Variants in CDK12 observed in about 807,000 individuals in gnomAD.
The protein encoded by CDK12 is cyclin-dependent kinase 12.
Under a neutral mutation model 133.8 loss-of-function variants are expected in CDK12, and 17 were observed. The ratio of observed to expected loss-of-function variants is 0.13; its 90% CI spans 0.09 to 0.19. The LOEUF is 0.19. CDK12 is among the 10% of genes least tolerant of loss of function. CDK12 has a pLI of 1.00. For synonymous variants in CDK12, 694 were observed against 683.6 expected (o/e 1.02, Z -0.24); for missense variants, 1,508 against 1,818.7 (o/e 0.83, Z 3.11).
Position 39,492,771 on chromosome 17 carries a change from G to A in CDK12, c.2129G>A (p.Gly710Glu). 1.3e-6 allele frequency: 2 copies of A among 1,548,516 alleles called. No individual in the cohort carries two copies. Among genetic ancestry groups the A allele is most frequent in the Non-Finnish European group, 1.8e-6 (2 of 1,137,368 alleles). ...TTTAGAATTTGTTGTCCTCGTTATG[G>A]AGAAAGAAGACAAACAGAAAGCGAC... Reference protein sequence around the residue: ...KRPKICCPRYGERRQTESDWG... With the variant: ...KRPKICCPRYEERRQTESDWG... The change falls in exon 4 of 14, where the codon GGA becomes GAA. Residue 710 changes from glycine (G) to glutamate (E), a missense_variant. Physicochemically the swap from Gly to Glu is moderately conservative, Grantham distance 98. This residue lies in a region of CDK12 where 74 missense variants were observed against 160.2 expected (regional missense o/e 0.46). Transcript: ENST00000447079.
chr17:39,551,346 T>C (rs1222241110), intron 2 of CDK12, among the ~76,000 whole-genome samples: 1 of 152,140 alleles, frequency 6.6e-6, no homozygotes, highest in Non-Finnish European at 1.5e-5. Flanking sequence ...ATTTTCTTGC[T>C]TCCAAGTACA....
At chr17:39,559,870 AAAAAG>A (rs1420702869) in intron 3 of CDK12, among the ~76,000 whole-genome samples, 74 of 151,940 alleles carry the variant, frequency 4.9e-4, no homozygotes, top group African/African-American at 1.7e-3. Flanking sequence ...AAAAAAAAAA[AAAAAG>A]AAAGAAAAAA....
intron 1 of CDK12, among the ~76,000 whole-genome samples, chr17:39,539,806 A>ATCTTCTTT (rs2055325623): frequency 1.3e-5 from 2 of 152,162 alleles, no homozygotes; most frequent in Non-Finnish European, 2.9e-5. Context: ...GAAAATAAAG[A>ATCTTCTTT]AGATAGGGGA....
rs1048737903 is a variant in CDK12 at position 39,493,037 on chromosome 17, G to A, written c.2248+147G>A. ...TTTTGAGATGGAGTCTTGCTCCCCAGGCTGGAGTGCAGTGGTGCAGTCTCA... is the reference window on the plus strand; with the variant it reads ...TTTTGAGATGGAGTCTTGCTCCCCAAGCTGGAGTGCAGTGGTGCAGTCTCA... On this transcript the variant is annotated intron_variant, in intron 4 of 13. Coordinates refer to ENST00000447079, the MANE Select transcript of CDK12 (RefSeq NM_016507.4). 7.2e-6 allele frequency: 5 copies of A among 695,190 alleles called. No individual in the cohort carries two copies. The Admixed American group carries it at 1.5e-4, about 21-fold the overall frequency. The allele number at this position is 695,190 out of a possible 1,614,324, so 43.1% of individuals were successfully genotyped here.
At chr17:39,526,435 A>G in intron 13 of CDK12, 119 bp downstream of exon 13, 1 of 708,562 alleles carries the variant, frequency 1.4e-6, no homozygotes, top group Non-Finnish European at 2.3e-6. Context: ...TCTGTAACCT[A>G]GTCTACAGGA....
intron 2 of CDK12, among the ~76,000 whole-genome samples, chr17:39,483,738 A>G (rs939602879): frequency 6.8e-6 from 1 of 147,904 alleles, no homozygotes; most frequent in Non-Finnish European, 1.5e-5. Flanking sequence ...TTATTTTTTG[A>G]GGCGGATTCT....
downstream of CDK12, among the ~76,000 whole-genome samples, chr17:39,538,898 C>CAAATAAAT (rs58157980): frequency 9.1e-4 from 131 of 143,990 alleles, no homozygotes; most frequent in Middle Eastern, 6.9e-3. Flanking sequence ...GACTCCATCT[C>CAAATAAAT]AAATAAATAC....
At chr17:39,554,445 T>C (rs2056072325) in intron 2 of CDK12, among the ~76,000 whole-genome samples, 1 of 152,046 alleles carries the variant, frequency 6.6e-6, no homozygotes. Context: ...GTATGCATCG[T>C]CTCCATTTTT....
Position 39,524,796 on chromosome 17 carries a change from G to A in CDK12, c.3218G>A (p.Gly1073Glu). 1.2e-6 allele frequency: 2 copies of A among 1,614,196 alleles called. No individual in the cohort carries two copies. The highest frequency in any genetic ancestry group is 1.1e-5 in the South Asian group (1 of 91,080). The change falls in exon 12 of 14, where the codon GGG (glycine) becomes GAG (glutamate). Residue 1073 changes from glycine (G) to glutamate (E), a missense_variant. Physicochemically the swap from Gly to Glu is moderately conservative, Grantham distance 98. Coordinates refer to ENST00000447079, the MANE Select transcript of CDK12 (RefSeq NM_016507.4). ...ACTTCTCGAAAAGAAACTACCTCAG[G>A]GACAAGTACTGAGCCTGTGAAGAAC... Reference protein sequence around the residue: ...SKTSRKETTSGTSTEPVKNSS... With the variant: ...SKTSRKETTSETSTEPVKNSS...
chr17:39,498,233 T>A (rs535742048), intron 5 of CDK12, among the ~76,000 whole-genome samples: 2 of 147,184 alleles, frequency 1.4e-5, no homozygotes, highest in African/African-American at 5.0e-5. Context: ...TTTTATTTTG[T>A]TTTTTTTTTG....
intron 6 of CDK12, among the ~76,000 whole-genome samples, chr17:39,501,905 C>A (rs1312889218): frequency 6.6e-6 from 1 of 150,484 alleles, no homozygotes; most frequent in South Asian, 2.1e-4. Flanking sequence ...AGTGCAGTGG[C>A]GTGATCTCGT....
rs773729401 is a variant in CDK12, at chr17:39,462,397, A to G, written c.326A>G (p.His109Arg). The part of the protein sequence containing the change: ...RRGSDRSDRL[H>R]KHRHHQHRRS... ...GGATCAGATCGGAGCGACCGCCTGCACAAACATCGTCACCACCAGCACAGG... is the reference window on the plus strand; with the variant it reads ...GGATCAGATCGGAGCGACCGCCTGCGCAAACATCGTCACCACCAGCACAGG... Residue 109 changes from histidine (H) to arginine (R), a missense_variant, in exon 1 of 14, where the codon CAC (histidine) becomes CGC (arginine). Physicochemically the swap from His to Arg is conservative, Grantham distance 29. Coordinates refer to ENST00000447079, the MANE Select transcript of CDK12 (RefSeq NM_016507.4). 30 of 1,614,206 alleles carry G rather than the reference A, an allele frequency of 1.9e-5. No individual in the cohort carries two copies. The highest frequency in any genetic ancestry group is 2.5e-5 in the Non-Finnish European group (29 of 1,180,042).
rs1467038415 is a variant in CDK12 at position 39,531,746 on chromosome 17, A to G, written c.*430A>G. The G allele has an allele frequency of 8.4e-6, 2 of 237,740 alleles. No homozygotes were observed. The highest frequency in any genetic ancestry group is 1.7e-5 in the Non-Finnish European group (2 of 121,094). 14.7% of individuals were successfully genotyped at this position (237,740 alleles called of 1,614,324 possible). On this transcript the variant is annotated 3_prime_UTR_variant, in exon 14 of 14. Transcript: ENST00000447079. Reference sequence around the variant, plus strand: ...TGTGGTTTCTTTCTTTTGAATTTTAATTTAGGTGTTTTGGGTTTTTTTCCT... The same window carrying G: ...TGTGGTTTCTTTCTTTTGAATTTTAGTTTAGGTGTTTTGGGTTTTTTTCCT...
At chr17:39,515,896 AGTTTAT>A (rs1351918714) in intron 9 of CDK12, 88 bp downstream of exon 9, 1 of 828,730 alleles carries the variant, frequency 1.2e-6, no homozygotes, top group Non-Finnish European at 1.9e-6. Context: ...ATTCTGAATG[AGTTTAT>A]GTTTCTTATG....
intron 2 of CDK12, among the ~76,000 whole-genome samples, chr17:39,488,184 T>TGCAGCCTC (rs1199967017): frequency 6.6e-6 from 1 of 151,492 alleles, no homozygotes; most frequent in African/African-American, 2.4e-5. Flanking sequence ...CAGTGAGCCA[T>TGCAGCCTC]GATTGTGTCA....
At chr17:39,509,287 G>C (rs1181898926) in intron 6 of CDK12, among the ~76,000 whole-genome samples, 1 of 152,108 alleles carries the variant, frequency 6.6e-6, no homozygotes, top group East Asian at 1.9e-4. Context: ...TGCCCAGACT[G>C]TTGGCCCTCT....
intron 1 of CDK12, 32 bp downstream of exon 1, chr17:39,463,149 T>C: frequency 6.3e-7 from 1 of 1,579,868 alleles, no homozygotes; most frequent in Non-Finnish European, 8.7e-7. Flanking sequence ...CCTTCCTCAT[T>C]TAGGGTGGGT....
rs533066867 is a variant in CDK12 at position 39,564,103 on chromosome 17, T to C, written n.485-657T>C. 2.0e-4 allele frequency among the ~76,000 whole-genome samples: 31 copies of C among 152,242 alleles called. No individual in the cohort carries two copies. The South Asian group carries it at 5.8e-3, about 28-fold the overall frequency. Reference sequence around the variant, plus strand: ...TACATCTGATGCCACCATTTGGCATTTTACAGCCCCTTATAAGATGCAGAG... The same window carrying C: ...TACATCTGATGCCACCATTTGGCATCTTACAGCCCCTTATAAGATGCAGAG... On this transcript the variant is annotated intron_variant and non_coding_transcript_variant, in intron 3 of 3. Transcript: ENST00000558240.
In CDK12 at chr17:39,526,393, TC is replaced by T. The variant is rs546642612; in HGVS notation, c.3760+82del. 1.9e-4 allele frequency: 218 copies of T among 1,125,576 alleles called. No individual in the cohort carries two copies. The African/African-American group carries it at 3.0e-3, about 16-fold the overall frequency. 69.7% of individuals were successfully genotyped at this position (1,125,576 alleles called of 1,614,324 possible). A position where few individuals can be genotyped will look rare whatever the true frequency, so the allele number is the denominator to read the frequency against. Reference sequence around the variant, plus strand: ...CTTAAAAATCTCTTAACATTTTTTTTCCCCCACATCAATGGCCTTGGTTTCA... The same window carrying T: ...CTTAAAAATCTCTTAACATTTTTTTTCCCCACATCAATGGCCTTGGTTTCA... On this transcript the variant is annotated intron_variant, in intron 13 of 13. Coordinates refer to ENST00000447079, the MANE Select transcript of CDK12 (RefSeq NM_016507.4).
Sources: allele counts gnomAD v4.1 joint callset (sites outside exome capture counted in the v4.1 genomes callset), GRCh38; gene constraint gnomAD v4.1.1; regional missense constraint gnomAD v4.1.1; transcripts MANE v1.5; gene names NCBI Gene and HGNC (gene_info 2026-07-23, HGNC 2026-07-21).